The following NUFIP1 variants were observed in gnomAD, a reference collection of about 807,000 sequenced individuals.
NUFIP1 encodes the protein FMR1-interacting protein NUFIP1.
NUFIP1 carries 38 observed loss-of-function variants against 56.2 expected under a neutral mutation model. The ratio of observed to expected loss-of-function variants is 0.68; its 90% CI spans 0.52 to 0.89. The LOEUF (loss-of-function observed/expected upper bound fraction) is 0.89, where lower values mean the gene tolerates loss of function less well. Ranked by LOEUF, NUFIP1 falls within the 40% of genes least tolerant of loss-of-function variation. The pLI is 0.00. For missense variants in NUFIP1, 567 were observed against 605.8 expected (o/e 0.94, Z 0.67); for synonymous variants, 215 against 212.4 (o/e 1.01, Z -0.10).
At chr13:44,978,575 A>C (rs1453673293) in intron 5 of NUFIP1, among the ~76,000 whole-genome samples, 1 of 152,226 alleles carries the variant, frequency 6.6e-6, no homozygotes, top group Non-Finnish European at 1.5e-5. Flanking sequence ...TTTCTTCCTT[A>C]GTAAGTGTAA....
intron 1 of NUFIP1, among the ~76,000 whole-genome samples, chr13:44,985,373 A>C (rs1872345909): frequency 6.6e-6 from 1 of 152,138 alleles, no homozygotes; most frequent in Admixed American, 6.5e-5. Context: ...CTTGCATCCC[A>C]TATATCCTAT....
At chr13:44,945,178 T>C (rs1459447235) in intron 8 of NUFIP1, among the ~76,000 whole-genome samples, 1 of 151,766 alleles carries the variant, frequency 6.6e-6, no homozygotes, top group Non-Finnish European at 1.5e-5. Context: ...ACTTGAGAAA[T>C]AAAAGAGGAG....
chr13:44,963,235 T>C (rs1040850031), intron 6 of NUFIP1, among the ~76,000 whole-genome samples: 7 of 152,250 alleles, frequency 4.6e-5, no homozygotes, highest in Non-Finnish European at 1.0e-4. Flanking sequence ...GAGCAATGTT[T>C]TGTAGTTCTG....
chr13:44,953,504 C>T (rs1452834089), intron 7 of NUFIP1, among the ~76,000 whole-genome samples: 1 of 152,068 alleles, frequency 6.6e-6, no homozygotes, highest in African/African-American at 2.4e-5. Context: ...TTTATTTAGG[C>T]ACTCATATCA....
chr13:44,943,197 C>T (rs1343928052), intron 9 of NUFIP1, among the ~76,000 whole-genome samples: 1 of 152,148 alleles, frequency 6.6e-6, no homozygotes, highest in Non-Finnish European at 1.5e-5. Flanking sequence ...GTAGATACTT[C>T]CTTACCAACT....
intron 7 of NUFIP1, among the ~76,000 whole-genome samples, chr13:44,956,783 G>A (rs1305063370): frequency 2.0e-5 from 3 of 152,210 alleles, no homozygotes; most frequent in South Asian, 4.1e-4. Context: ...ATGCTTGCTC[G>A]CTGCTCCCCG....
At chr13:44,945,377 A>C (rs1484226918) in intron 8 of NUFIP1, among the ~76,000 whole-genome samples, 2 of 151,980 alleles carry the variant, frequency 1.3e-5, no homozygotes, top group Non-Finnish European at 2.9e-5. Flanking sequence ...AAACTTTCCC[A>C]AAAACAAAAT....
chr13:44,967,010 A>G (rs948968647), intron 5 of NUFIP1, among the ~76,000 whole-genome samples: 12 of 151,736 alleles, frequency 7.9e-5, no homozygotes, highest in African/African-American at 2.7e-4. Flanking sequence ...AAAATAAAAT[A>G]AAAAATATAC....
chr13:44,941,996 C>T (rs1247717182), intron 9 of NUFIP1, among the ~76,000 whole-genome samples: 2 of 151,670 alleles, frequency 1.3e-5, no homozygotes, highest in Non-Finnish European at 2.9e-5. Flanking sequence ...TAACCTCCGC[C>T]TCCCGGGTTC....
chr13:44,949,209 T>TC (rs1411070637), intron 8 of NUFIP1, among the ~76,000 whole-genome samples: 1 of 142,030 alleles, frequency 7.0e-6, no homozygotes, highest in African/African-American at 2.6e-5. Context: ...ATTTTTTTTT[T>TC]TTTTTTTTTT....
intron 7 of NUFIP1, among the ~76,000 whole-genome samples, chr13:44,955,293 G>A (rs759274676): frequency 2.6e-5 from 4 of 152,172 alleles, no homozygotes; most frequent in Non-Finnish European, 4.4e-5. Context: ...TAAATAAAAG[G>A]CTTTCCCATC....
chr13:44,980,628 C>T (rs1872154346), intron 3 of NUFIP1, 94 bp downstream of exon 3: 1 of 893,006 alleles, frequency 1.1e-6, no homozygotes, highest in South Asian at 1.5e-5. Flanking sequence ...AAACTATAAA[C>T]TTTAAAGGAA....
At chr13:44,972,985 T>C (rs528325621) in intron 5 of NUFIP1, among the ~76,000 whole-genome samples, 28 of 152,242 alleles carry the variant, frequency 1.8e-4, no homozygotes, top group Non-Finnish European at 3.8e-4. Flanking sequence ...AAAATGTCTG[T>C]TAACATATAT....
At chr13:44,962,697 T>C (rs948265495) in intron 6 of NUFIP1, among the ~76,000 whole-genome samples, 4 of 152,214 alleles carry the variant, frequency 2.6e-5, no homozygotes, top group African/African-American at 9.6e-5. Context: ...GGCCTTCACA[T>C]TCACTCACCA....
chr13:44,963,740 A>T (rs1363963232), intron 6 of NUFIP1, among the ~76,000 whole-genome samples: 1 of 152,144 alleles, frequency 6.6e-6, no homozygotes, highest in African/African-American at 2.4e-5. Context: ...ATTTTTACAT[A>T]TTGCCAGATT....
intron 7 of NUFIP1, 146 bp from the exon 8 acceptor site, chr13:44,949,984 CA>C: frequency 1.5e-6 from 1 of 664,918 alleles, no homozygotes. Flanking sequence ...GGGCCAGAAA[CA>C]CTTCCCCTTG....
At chr13:44,978,775 GAGC>G (rs1215677927) in intron 5 of NUFIP1, among the ~76,000 whole-genome samples, 1 of 152,170 alleles carries the variant, frequency 6.6e-6, no homozygotes, top group Admixed American at 6.5e-5. Context: ...AAACTCCTTT[GAGC>G]AGCAGGTTAC....
At chr13:44,967,254 G>T (rs868070449) in intron 5 of NUFIP1, among the ~76,000 whole-genome samples, 1 of 151,844 alleles carries the variant, frequency 6.6e-6, no homozygotes, top group Non-Finnish European at 1.5e-5. Context: ...GAAAGAGGCC[G>T]GGTGTGGTGG....
chr13:44,979,186 T>C lies in NUFIP1; in HGVS notation c.734+4A>G. Reference sequence around the variant, plus strand: ...TTATTTCACCAGTTCTGAACTCTACTCACTTCCTTCTTTCTTCCCTCCACC... The same window carrying C: ...TTATTTCACCAGTTCTGAACTCTACCCACTTCCTTCTTTCTTCCCTCCACC... On this transcript the variant is annotated splice_donor_region_variant and intron_variant, in intron 5 of 9. Coordinates refer to ENST00000379161, the MANE Select transcript of NUFIP1 (RefSeq NM_012345.3). 1 of 1,609,308 alleles carries C rather than the reference T, an allele frequency of 6.2e-7. No homozygotes were observed. The highest frequency in any genetic ancestry group is 8.5e-7 in the Non-Finnish European group (1 of 1,176,406).
Sources: allele counts gnomAD v4.1 joint callset (sites outside exome capture counted in the v4.1 genomes callset), GRCh38; gene constraint gnomAD v4.1.1; transcripts MANE v1.5; gene names NCBI Gene and HGNC (gene_info 2026-07-23, HGNC 2026-07-21).